The following RBFOX1 variants were observed in gnomAD, a reference collection of about 807,000 sequenced individuals.
RBFOX1 encodes RNA binding fox-1 homolog 1.
RBFOX1 carries 8 observed loss-of-function variants against 57.7 expected under a neutral mutation model. That is an observed-to-expected ratio of 0.14 (90% confidence interval 0.08 to 0.25). The LOEUF (loss-of-function observed/expected upper bound fraction) is 0.25. Ranked by LOEUF, RBFOX1 falls within the 10% of genes least tolerant of loss-of-function variation. The pLI is 1.00. For synonymous variants in RBFOX1, 326 were observed against 222.4 expected, an observed-to-expected ratio of 1.47 and a Z score of -4.15; for missense variants, 611 against 548.5, an observed-to-expected ratio of 1.11 and a Z score of -1.14.
chr16:5,467,801 A>G (rs774522602), intron 2 of RBFOX1, among the ~76,000 whole-genome samples: 1 of 152,220 alleles, frequency 6.6e-6, no homozygotes, highest in Non-Finnish European at 1.5e-5. Context: ...AGGAAGTAAG[A>G]TTTTTATTTC....
intron 2 of RBFOX1, among the ~76,000 whole-genome samples, chr16:6,638,320 T>A (rs904897618): frequency 6.6e-6 from 1 of 152,184 alleles, no homozygotes; most frequent in South Asian, 2.1e-4. Flanking sequence ...TTTTAAAGAA[T>A]AAGTTACTGG....
intron 3 of RBFOX1, among the ~76,000 whole-genome samples, chr16:6,865,442 G>C (rs1226374499): frequency 6.6e-6 from 1 of 152,028 alleles, no homozygotes; most frequent in East Asian, 1.9e-4. Context: ...GTGTGCCATG[G>C]GGATATTTCC....
intron 3 of RBFOX1, among the ~76,000 whole-genome samples, chr16:6,755,162 C>T (rs1398169267): frequency 6.6e-6 from 1 of 152,188 alleles, no homozygotes; most frequent in Admixed American, 6.5e-5. Context: ...CCGCAATAAA[C>T]ATACGTGTGC....
chr16:6,591,772 T>A (rs746881542), intron 2 of RBFOX1, among the ~76,000 whole-genome samples: 2 of 152,200 alleles, frequency 1.3e-5, no homozygotes, highest in African/African-American at 2.4e-5. Flanking sequence ...CATTTGTAAA[T>A]GAAGAAGGAG....
intron 3 of RBFOX1, among the ~76,000 whole-genome samples, chr16:5,607,496 C>G (rs1440087110): frequency 6.6e-6 from 1 of 152,074 alleles, no homozygotes; most frequent in Non-Finnish European, 1.5e-5. Flanking sequence ...GGCTGTGCCC[C>G]CTGGAGTCAC....
intron 4 of RBFOX1, among the ~76,000 whole-genome samples, chr16:7,157,406 C>T (rs775542407): frequency 2.6e-5 from 4 of 151,926 alleles, no homozygotes; most frequent in Non-Finnish European, 4.4e-5. Context: ...ATGTAAAATG[C>T]ACTTAGGATC....
chr16:6,433,694 G>A (rs1206730460), intron 2 of RBFOX1, among the ~76,000 whole-genome samples: 2 of 152,078 alleles, frequency 1.3e-5, no homozygotes, highest in Admixed American at 6.6e-5. Context: ...AGGCTCCAGG[G>A]AAGAATCTGT....
chr16:7,598,660 G>A (rs7500573), intron 9 of RBFOX1, among the ~76,000 whole-genome samples: 138,136 of 152,214 alleles, frequency 0.91, 62,925 homozygotes, highest in African/African-American at 0.94. Context: ...TATGTAGTAG[G>A]TGTTCATTTA....
chr16:6,667,190 T>C (rs2098738305), intron 3 of RBFOX1, among the ~76,000 whole-genome samples: 1 of 152,138 alleles, frequency 6.6e-6, no homozygotes, highest in African/African-American at 2.4e-5. Context: ...TAGCCTCTGA[T>C]GGGCCGGAAA....
chr16:5,966,776 C>G (rs1028000002), intron 4 of RBFOX1, among the ~76,000 whole-genome samples: 1 of 152,050 alleles, frequency 6.6e-6, no homozygotes, highest in East Asian at 1.9e-4. Flanking sequence ...CCAGCCCCCA[C>G]CCTTGGCGAA....
chr16:6,420,525 A>T (rs2093742981), intron 2 of RBFOX1, among the ~76,000 whole-genome samples: 1 of 152,210 alleles, frequency 6.6e-6, no homozygotes, highest in Non-Finnish European at 1.5e-5. Context: ...TCTACTTTAA[A>T]GGGTGGAGAA....
intron 5 of RBFOX1, among the ~76,000 whole-genome samples, chr16:7,565,735 T>A (rs1475638430): frequency 6.6e-6 from 1 of 152,170 alleles, no homozygotes. Flanking sequence ...ATAACTTGAT[T>A]GGTGGAGGAT....
intron 3 of RBFOX1, among the ~76,000 whole-genome samples, chr16:6,959,533 A>C (rs2082526287): frequency 2.0e-5 from 3 of 151,940 alleles, no homozygotes; most frequent in Non-Finnish European, 2.9e-5. Context: ...TTCTGTGTGC[A>C]TTTGGACCCA....
chr16:7,644,751 A>G (rs2063437569), intron 11 of RBFOX1, among the ~76,000 whole-genome samples: 1 of 152,250 alleles, frequency 6.6e-6, no homozygotes, highest in Admixed American at 6.5e-5. Context: ...AAATCAACTC[A>G]GGTGATAAGA....
intron 5 of RBFOX1, among the ~76,000 whole-genome samples, chr16:7,548,523 C>A (rs7187199): frequency 5.9e-5 from 9 of 152,280 alleles, no homozygotes; most frequent in Non-Finnish European, 8.8e-5. Context: ...GTGAATGGCA[C>A]CTACTCCATC....
chr16:6,496,737 A>T (rs1033941218), intron 2 of RBFOX1, among the ~76,000 whole-genome samples: 1 of 152,086 alleles, frequency 6.6e-6, no homozygotes, highest in Non-Finnish European at 1.5e-5. Context: ...GGGTGGGTGG[A>T]TCGCTTGAGG....
At chr16:6,542,376 G>A (rs1487578257) in intron 2 of RBFOX1, among the ~76,000 whole-genome samples, 1 of 151,384 alleles carries the variant, frequency 6.6e-6, no homozygotes, top group Non-Finnish European at 1.5e-5. Flanking sequence ...CAGGTGTACT[G>A]GAGGGTTTTA....
rs113968128 is a variant in RBFOX1 at position 7,066,995 on chromosome 16, C to A, written c.27+14897C>A. ...ACACATGGAAATGCCTCTTTATGCT[C>A]CTAACAAACAGTAACAGATTATGCA... On this transcript the variant is annotated intron_variant, in intron 4 of 15. Transcript: ENST00000550418. 5.1e-4 allele frequency among the ~76,000 whole-genome samples: 78 copies of A among 152,282 alleles called. 1 individual carries two copies. Among genetic ancestry groups the A allele is most frequent in the African/African-American group, 1.8e-3 (76 of 41,558 alleles).
At chr16:6,645,354 C>G (rs994022371) in intron 2 of RBFOX1, among the ~76,000 whole-genome samples, 28 of 152,128 alleles carry the variant, frequency 1.8e-4, no homozygotes, top group South Asian at 2.1e-4. Flanking sequence ...GCTGGCTACT[C>G]ACTTCTAAAT....
Sources: gnomAD v4.1 joint callset for allele counts (sites outside exome capture counted in the v4.1 genomes callset) on GRCh38, gnomAD v4.1.1 for gene constraint, MANE v1.5 for transcripts, NCBI Gene and HGNC (gene_info 2026-07-23, HGNC 2026-07-21) for gene names.